LAMA1: variants seen among roughly 807,000 people sequenced by gnomAD.
LAMA1 encodes the protein laminin subunit alpha 1.
LAMA1 carries 219 observed loss-of-function variants against 348.7 expected under a neutral mutation model. The ratio of observed to expected loss-of-function variants is 0.63; its 90% CI spans 0.56 to 0.70. The LOEUF (loss-of-function observed/expected upper bound fraction) is 0.70, where lower values mean the gene tolerates loss of function less well. Among genes scored for constraint, LAMA1 ranks in the 30% least tolerant of loss-of-function variants. LAMA1 has a pLI of 0.00. For missense variants in LAMA1, 3,744 were observed against 3,888.0 expected, an observed-to-expected ratio of 0.96 and a Z score of 0.99; for synonymous variants, 1,487 against 1,491.0, an observed-to-expected ratio of 1.00 and a Z score of 0.06.
chr18:7,016,377 G>T lies in LAMA1; in HGVS notation c.2989+114C>A. On this transcript the variant is annotated intron_variant, in intron 21 of 62. Transcript: ENST00000389658. ...GAAAAAAGGTATGAAATCCTCCAGG[G>T]AAAGAAGAGAAAAAGTAAAGGCACT... 2.6e-6 allele frequency: 3 copies of T among 1,143,218 alleles called. No homozygotes were observed. The Middle Eastern group carries it at 7.4e-4, about 281-fold the overall frequency. The allele number at this position is 1,143,218 out of a possible 1,614,324, so 70.8% of individuals were successfully genotyped here.
intron 3 of LAMA1, among the ~76,000 whole-genome samples, chr18:7,077,561 G>A (rs1322137917): frequency 6.6e-6 from 1 of 151,892 alleles, no homozygotes; most frequent in Admixed American, 6.6e-5. Flanking sequence ...CTGCCTTCTG[G>A]AATTCCTCAG....
chr18:6,954,693 A>T (rs1043523586), intron 57 of LAMA1: 3 of 162,272 alleles, frequency 1.8e-5, no homozygotes, highest in Admixed American at 1.7e-4. Context: ...ACAGAGAGTG[A>T]TGGCAGGAGC....
At chr18:6,953,547 ACTACT>A (rs1342726495) in intron 57 of LAMA1, among the ~76,000 whole-genome samples, 12 of 152,302 alleles carry the variant, frequency 7.9e-5, no homozygotes, top group Non-Finnish European at 1.3e-4. Context: ...AGAAGGGGAA[ACTACT>A]CTACAGGCAC....
rs35680760 is a variant in LAMA1 at position 7,092,626 on chromosome 18, G to GA, written c.62-12170dup. Reference sequence around the variant, plus strand: ...GCAACAGAGCGAGTCTCTGTCTCGGGAAAAAAAAAAAAAAAAAAAGAATGC... The same window carrying GA: ...GCAACAGAGCGAGTCTCTGTCTCGGGAAAAAAAAAAAAAAAAAAAAGAATGC... On this transcript the variant is annotated intron_variant, in intron 1 of 62. Transcript: ENST00000389658. Among the ~76,000 whole-genome samples the GA allele has an allele frequency of 1.8e-3, 210 of 115,724 alleles. 2 individuals carry two copies. Among genetic ancestry groups the GA allele is most frequent in the East Asian group, 7.3e-3 (28 of 3,810 alleles). The allele number at this position is 115,724 out of a possible 152,430, so 75.9% of individuals were successfully genotyped here.
At chr18:6,991,987 G>A (rs559638769) in intron 36 of LAMA1, among the ~76,000 whole-genome samples, 1 of 152,276 alleles carries the variant, frequency 6.6e-6, no homozygotes, top group South Asian at 2.1e-4. Flanking sequence ...AACCTGCAGA[G>A]AGACAGCCTG....
In LAMA1 at chr18:6,995,344, G is replaced by A. The variant is rs2057776440; in HGVS notation, c.4896+13C>T. The A allele has an allele frequency of 6.3e-7, 1 of 1,593,208 alleles. No homozygotes were observed. The highest frequency in any genetic ancestry group is 8.6e-7 in the Non-Finnish European group (1 of 1,161,144). On this transcript the variant is annotated intron_variant, in intron 34 of 62. Transcript: ENST00000389658. The stretch of plus-strand genomic sequence containing the variant: ...ACCAGGAGGAAGGTTGGTTGGTTAT[G>A]GAAAGAATTTACCTTCTTTTGCAGG...
chr18:6,949,092 G>GT lies in LAMA1; in HGVS notation c.8556+8_8556+9insA. ...AAGGTAAAATGTCAGTATGGAAAAT[G>GT]CTGCTTACATTTCCAATTTTCCTGG... On this transcript the variant is annotated intron_variant, in intron 59 of 62. Coordinates refer to ENST00000389658, the MANE Select transcript of LAMA1 (RefSeq NM_005559.4). The GT allele has an allele frequency of 6.2e-7, 1 of 1,614,084 alleles. No individual in the cohort carries two copies. The highest frequency in any genetic ancestry group is 1.1e-5 in the South Asian group (1 of 91,076).
intron 42 of LAMA1, among the ~76,000 whole-genome samples, chr18:6,979,502 T>C (rs927346549): frequency 4.6e-5 from 7 of 152,324 alleles, no homozygotes; most frequent in Non-Finnish European, 1.0e-4. Context: ...ACACGGTCTC[T>C]ATAAAACAAT....
rs549174541 is a variant in LAMA1, at chr18:7,018,647, G to A, written c.2702-1263C>T. Among the ~76,000 whole-genome samples, 8 of 152,140 alleles carry A rather than the reference G, an allele frequency of 5.3e-5. No homozygotes were observed. In the East Asian group the frequency reaches 7.8e-4, roughly 15 times the overall value. ...CCTGACCTTGTGATCTGCCCGCCTC[G>A]GCCTTCCAAAGTGCTGGGATTACAG... On this transcript the variant is annotated intron_variant, in intron 19 of 62. Coordinates refer to ENST00000389658, the MANE Select transcript of LAMA1 (RefSeq NM_005559.4).
intron 36 of LAMA1, among the ~76,000 whole-genome samples, chr18:6,988,414 G>T (rs2057744640): frequency 6.6e-6 from 1 of 152,208 alleles, no homozygotes; most frequent in African/African-American, 2.4e-5. Context: ...GGCTGCTGAT[G>T]TGCGTCAGCG....
At position 6,999,923 on chromosome 18, in the gene LAMA1, T is replaced by C. The variant is rs766764916; in HGVS notation, c.4457A>G (p.Lys1486Arg). ...TCCACCCATGTACCTTTCACAGTGT[T>C]TTCCTTCATAGCCCAGGAGACAGGC... ...CDACLLGYEG[K>R]HCERCSSSYY... Residue 1486 changes from lysine (K) to arginine (R), a missense_variant, in exon 31 of 63, where the codon AAA (lysine) becomes AGA (arginine). Physicochemically the swap from Lys to Arg is conservative, Grantham distance 26. This residue lies in a region of LAMA1 where 1,983 missense variants were observed against 1,934.3 expected (regional missense o/e 1.03). Coordinates refer to ENST00000389658, the MANE Select transcript of LAMA1 (RefSeq NM_005559.4). The C allele has an allele frequency of 5.0e-6, 8 of 1,614,120 alleles. No homozygotes were observed. Among genetic ancestry groups the C allele is most frequent in the South Asian group, 1.1e-5 (1 of 91,084 alleles).
At chr18:7,090,176 A>G (rs1341418871) in intron 1 of LAMA1, among the ~76,000 whole-genome samples, 3 of 152,218 alleles carry the variant, frequency 2.0e-5, no homozygotes, top group South Asian at 2.1e-4. Flanking sequence ...GTTATTTGTT[A>G]TAAGTTAAAA....
intron 36 of LAMA1, among the ~76,000 whole-genome samples, chr18:6,988,297 T>A (rs1243142827): frequency 6.6e-6 from 1 of 152,220 alleles, no homozygotes; most frequent in Non-Finnish European, 1.5e-5. Context: ...AGGAAACTGG[T>A]GTTTCTCAAA....
intron 30 of LAMA1, 130 bp from the exon 31 acceptor site, chr18:7,000,127 A>T: frequency 1.4e-6 from 1 of 702,056 alleles, no homozygotes; most frequent in South Asian, 1.6e-5. Flanking sequence ...AGCTTTTTAG[A>T]GCTTACAATC....
chr18:7,033,118 G>A (rs79729362), intron 14 of LAMA1, 23 bp from the exon 15 acceptor site: 1 of 1,505,020 alleles, frequency 6.6e-7, no homozygotes, highest in Admixed American at 1.7e-5. Context: ...AGATTGTTAT[G>A]TGACTCACAC....
chr18:6,983,287 A>G, intron 39 of LAMA1, 53 bp from the exon 40 acceptor site: 3 of 1,601,368 alleles, frequency 1.9e-6, no homozygotes, highest in South Asian at 2.2e-5. Context: ...CAAACTTGCC[A>G]ATTCACTCAC....
At chr18:7,114,144 C>G (rs1305667972) in intron 1 of LAMA1, among the ~76,000 whole-genome samples, 1 of 150,758 alleles carries the variant, frequency 6.6e-6, no homozygotes, top group Non-Finnish European at 1.5e-5. Flanking sequence ...ATCAATAAGT[C>G]TCAATGACCA....
rs909490887 is a variant in LAMA1 at position 6,992,842 on chromosome 18, T to C, written c.5009-122A>G. On this transcript the variant is annotated intron_variant, in intron 35 of 62. Transcript: ENST00000389658. ...TTACCTAAGCTGAGTTGGACCTCCA[T>C]GTCAGGCCAGGCCACCTGGCATATC... The C allele has an allele frequency of 8.9e-6, 7 of 786,876 alleles. No individual in the cohort carries two copies. The East Asian group carries it at 1.6e-4, about 18-fold the overall frequency. The allele number at this position is 786,876 out of a possible 1,614,324, so 48.7% of individuals were successfully genotyped here. A position where few individuals can be genotyped will look rare whatever the true frequency, so the allele number is the denominator to read the frequency against.
chr18:7,047,818 C>A (rs1446034418), intron 5 of LAMA1, among the ~76,000 whole-genome samples: 2 of 151,780 alleles, frequency 1.3e-5, no homozygotes, highest in Non-Finnish European at 2.9e-5. Flanking sequence ...ATTGCATATA[C>A]ATATAGGAAA....
Sources: gnomAD v4.1 joint callset for allele counts (sites outside exome capture counted in the v4.1 genomes callset) on GRCh38, gnomAD v4.1.1 for gene constraint, gnomAD v4.1.1 regional missense constraint, MANE v1.5 for transcripts, NCBI Gene and HGNC (gene_info 2026-07-23, HGNC 2026-07-21) for gene names.